The following ASPM variants were observed in gnomAD, a reference collection of about 807,000 sequenced individuals.
ASPM encodes assembly factor for spindle microtubules.
A neutral mutation model predicts 366.4 loss-of-function variants in ASPM; 256 were observed. The ratio of observed to expected loss-of-function variants is 0.70; its 90% CI spans 0.63 to 0.77. The LOEUF is 0.77. Among genes scored for constraint, ASPM ranks in the 30% least tolerant of loss-of-function variants. ASPM has a pLI of 0.00. For missense variants in ASPM, 4,146 were observed against 4,090.4 expected (o/e 1.01, Z -0.37); for synonymous variants, 1,414 against 1,342.9 (o/e 1.05, Z -1.16).
Position 197,102,673 on chromosome 1 carries a change from G to T in ASPM, c.6578C>A (p.Ala2193Glu). Residue 2193 changes from alanine to glutamate, a missense_variant, in exon 18 of 28, where the codon GCA becomes GAA. Ala to Glu is a moderately radical substitution (Grantham distance 107). Around this residue, in one of 3 missense-constraint regions of ASPM, gnomAD observed 3,624 missense variants for 3,591.7 expected, o/e 1.01. Coordinates refer to ENST00000367409, the MANE Select transcript of ASPM (RefSeq NM_018136.5). ...TCTGTAGTTTGACTGAATGAGTGTT[G>T]CTGCAGTCTGCATCTTTCTAAGAGT... ...RRTLRKMQTAATLIQSNYRRY... is the reference protein window; with the variant it reads ...RRTLRKMQTAETLIQSNYRRY... 1.2e-6 allele frequency: 2 copies of T among 1,612,622 alleles called. No individual in the cohort carries two copies. Among genetic ancestry groups the T allele is most frequent in the Non-Finnish European group, 1.7e-6 (2 of 1,179,216 alleles).
chr1:197,093,623 A>C (rs1172497551), intron 20 of ASPM, among the ~76,000 whole-genome samples: 2 of 151,844 alleles, frequency 1.3e-5, no homozygotes, highest in Admixed American at 1.3e-4. Context: ...CTATGACAGA[A>C]GCTGTCTGTA....
chr1:197,127,811 G>A (rs1658134432), intron 10 of ASPM, among the ~76,000 whole-genome samples: 1 of 152,096 alleles, frequency 6.6e-6, no homozygotes, highest in African/African-American at 2.4e-5. Flanking sequence ...TGTAAAACAA[G>A]GTTAATACTA....
rs552158003 is a variant in ASPM at position 197,128,512 on chromosome 1, A to C, written c.2914T>G (p.Leu972Val). ...DFAVTNLAVD[L>V]QCGVRLVRTM... ...TACACAAGGCGCACTCCACATTGCA[A>C]GTCTACGGCAAGATTTGTAACGGCA... The change falls in exon 10 of 28, where the codon TTG (leucine) becomes GTG (valine). Residue 972 changes from leucine to valine, a missense_variant. Coordinates refer to ENST00000367409, the MANE Select transcript of ASPM (RefSeq NM_018136.5). The C allele has an allele frequency of 9.6e-5, 155 of 1,613,682 alleles. 1 individual carries two copies. The Admixed American group carries it at 2.5e-3, about 26-fold the overall frequency.
rs1657672670 is a variant in ASPM, at chr1:197,114,146, T to C, written c.4065+3643A>G. 2.0e-5 allele frequency among the ~76,000 whole-genome samples: 3 copies of C among 152,316 alleles called. No individual in the cohort carries two copies. In the South Asian group the frequency reaches 6.2e-4, roughly 32 times the overall value. ...ACAATTTTTTTGGTTTCCCAATACATACCGAAGTTATCTTTACACTATACT... is the reference window on the plus strand; with the variant it reads ...ACAATTTTTTTGGTTTCCCAATACACACCGAAGTTATCTTTACACTATACT... On this transcript the variant is annotated intron_variant, in intron 17 of 27. Coordinates refer to ENST00000367409, the MANE Select transcript of ASPM (RefSeq NM_018136.5).
chr1:197,124,625 A>G (rs950076924), intron 12 of ASPM, among the ~76,000 whole-genome samples: 4 of 151,942 alleles, frequency 2.6e-5, no homozygotes, highest in Non-Finnish European at 5.9e-5. Flanking sequence ...CTGTAGTTTC[A>G]GTTTCCTCAT....
Position 197,142,503 on chromosome 1 carries a change from A to G in ASPM, c.1749T>C (p.Asp583=), listed in dbSNP as rs751165597. The G allele has an allele frequency of 3.7e-6, 6 of 1,614,064 alleles. No individual in the cohort carries two copies. The highest frequency in any genetic ancestry group is 4.2e-6 in the Non-Finnish European group (5 of 1,179,894). ...CTGTAATTGCAACTCTCACATTTGCATCTTCCATGCTTCCATCGCTCTTTC... is the reference window on the plus strand; with the variant it reads ...CTGTAATTGCAACTCTCACATTTGCGTCTTCCATGCTTCCATCGCTCTTTC... The part of the protein sequence containing the change: ...RKRKSDGSME[D]ANVRVAITEH... Residue 583 remains aspartate, a synonymous_variant, in exon 3 of 28, where the codon GAT becomes GAC. Transcript: ENST00000367409.
chr1:197,096,207 CT>C (rs199941326), intron 18 of ASPM, 43 bp from the exon 19 acceptor site: 343 of 1,474,114 alleles, frequency 2.3e-4, no homozygotes, highest in Admixed American at 3.9e-4. Context: ...TGAGTTGTCT[CT>C]TTTTTTTTGT....
At chr1:197,143,862 A>C (rs1433273409) in intron 2 of ASPM, 52 bp from the exon 3 acceptor site, 2 of 1,568,870 alleles carry the variant, frequency 1.3e-6, no homozygotes, top group Admixed American at 1.7e-5. Context: ...TTGAATATTA[A>C]ATAAGCAATA....
intron 17 of ASPM, among the ~76,000 whole-genome samples, chr1:197,112,243 C>A (rs552971770): frequency 1.2e-4 from 19 of 152,140 alleles, no homozygotes; most frequent in African/African-American, 4.3e-4. Flanking sequence ...TTATCCTTAG[C>A]AAACTAACAC....
rs149228705 is a variant in ASPM, at chr1:197,101,700, A to G, written c.7551T>C (p.Tyr2517=). 759 of 1,612,040 alleles carry G rather than the reference A, an allele frequency of 4.7e-4. 4 individuals carry two copies. The Middle Eastern group carries it at 0.012, about 25-fold the overall frequency. The part of the protein sequence containing the change: ...SILIQQHYRT[Y]RAAKLQRENY... ...TTTCTCTTTGTAATTTTGCAGCTCT[A>G]TATGTTCGATAATGTTGCTGAATTA... The change falls in exon 18 of 28, where the codon TAT becomes TAC. Residue 2517 remains tyrosine, a synonymous_variant. Transcript: ENST00000367409.
At chr1:197,133,705 AC>A in intron 5 of ASPM, 110 bp from the exon 6 acceptor site, 1 of 1,297,442 alleles carries the variant, frequency 7.7e-7, no homozygotes, top group South Asian at 1.4e-5. Context: ...TCTATTCCTC[AC>A]CCACTCCAAG....
At position 197,132,024 on chromosome 1, in the gene ASPM, G is replaced by A. The variant is rs118070902; in HGVS notation, c.2487+261C>T. 7.2e-4 allele frequency among the ~76,000 whole-genome samples: 109 copies of A among 152,206 alleles called. 1 individual carries two copies. The East Asian group carries it at 0.02, about 28-fold the overall frequency. ...ATGAGTTTACTATAGTTGTCATTAC[G>A]TGCAACACCAAATTATGTTTAAAGA... On this transcript the variant is annotated intron_variant, in intron 7 of 27. Transcript: ENST00000367409.
intron 4 of ASPM, among the ~76,000 whole-genome samples, chr1:197,137,642 A>G (rs1415812981): frequency 6.6e-6 from 1 of 152,102 alleles, no homozygotes; most frequent in African/African-American, 2.4e-5. Context: ...CATCATGCCC[A>G]GCCAACTTCT....
At chr1:197,096,530 C>A (rs758034036) in intron 18 of ASPM, among the ~76,000 whole-genome samples, 6 of 151,758 alleles carry the variant, frequency 4.0e-5, no homozygotes, top group Non-Finnish European at 8.8e-5. Context: ...ACACATTGAC[C>A]TACTGCAGGT....
At position 197,129,267 on chromosome 1, in the gene ASPM, C is replaced by T; in HGVS notation, c.2680G>A (p.Val894Ile). 1.2e-6 allele frequency: 2 copies of T among 1,612,602 alleles called. No individual in the cohort carries two copies. The highest frequency in any genetic ancestry group is 1.7e-6 in the Non-Finnish European group (2 of 1,178,996). ...ATTTTAGCATAATCAAGAAAACAGA[C>T]CAACAACAATAACTTTTTCAATGTA... is the stretch of plus-strand genomic sequence containing the variant. The part of the protein sequence containing the change: ...KFTLKKLLLL[V>I]CFLDYAKISR... The change falls in exon 9 of 28, where the codon GTC (valine) becomes ATC (isoleucine). Residue 894 changes from valine to isoleucine, a missense_variant. This residue lies in a region of ASPM where 3,624 missense variants were observed against 3,591.7 expected (regional missense o/e 1.01). Coordinates refer to ENST00000367409, the MANE Select transcript of ASPM (RefSeq NM_018136.5).
chr1:197,141,125 C>T (rs1361864472), intron 3 of ASPM, among the ~76,000 whole-genome samples: 1 of 152,016 alleles, frequency 6.6e-6, no homozygotes, highest in Non-Finnish European at 1.5e-5. Context: ...ATGCAAAACC[C>T]TCCCTACTGT....
intron 6 of ASPM, 87 bp from the exon 7 acceptor site, chr1:197,132,439 G>A: frequency 9.4e-7 from 1 of 1,067,936 alleles, no homozygotes; most frequent in Non-Finnish European, 1.4e-6. Flanking sequence ...ATATCAGTGG[G>A]AAAAAAATAC....
intron 17 of ASPM, among the ~76,000 whole-genome samples, chr1:197,109,367 G>A (rs1657514621): frequency 6.6e-6 from 1 of 152,056 alleles, no homozygotes; most frequent in African/African-American, 2.4e-5. Context: ...TCCTTGGAAT[G>A]TAAGTTTACA....
Position 197,102,095 on chromosome 1 carries a change from G to C in ASPM, c.7156C>G (p.His2386Asp), listed in dbSNP as rs1040809829. The C allele has an allele frequency of 1.2e-6, 2 of 1,612,832 alleles. No individual in the cohort carries two copies. The highest frequency in any genetic ancestry group is 1.1e-5 in the South Asian group (1 of 91,056). The change falls in exon 18 of 28, where the codon CAC (histidine) becomes GAC (aspartate). Residue 2386 changes from histidine (H) to aspartate (D), a missense_variant. Coordinates refer to ENST00000367409, the MANE Select transcript of ASPM (RefSeq NM_018136.5). ...GCAGCCTGAAGGATCACAGCAGAGT[G>C]TCTTTGTCTGAGATAATGCTGCCTC... ...LQRQHYLRQR[H>D]SAVILQAAFR...
Sources: gnomAD v4.1 joint callset for allele counts (sites outside exome capture counted in the v4.1 genomes callset) on GRCh38, gnomAD v4.1.1 for gene constraint, gnomAD v4.1.1 regional missense constraint, MANE v1.5 for transcripts, NCBI Gene and HGNC (gene_info 2026-07-23, HGNC 2026-07-21) for gene names.